EPG5: variants seen among roughly 807,000 people sequenced by gnomAD.
EPG5 encodes the protein ectopic P-granules 5 autophagy tethering factor, also known as ectopic P granules protein 5 homolog.
A neutral mutation model predicts 302.7 loss-of-function variants in EPG5; 159 were observed. The ratio of observed to expected loss-of-function variants is 0.53; its 90% CI spans 0.46 to 0.60. EPG5 has a LOEUF of 0.60. EPG5 is among the 20% of genes least tolerant of loss of function. EPG5 has a pLI of 0.00. For missense variants in EPG5, 2,896 were observed against 3,092.4 expected (o/e 0.94, Z 1.51); for synonymous variants, 1,158 against 1,136.8 (o/e 1.02, Z -0.37).
rs373746739 is a variant in EPG5, at chr18:45,872,455, G to C, written c.6050-1713C>G. On this transcript the variant is annotated intron_variant, in intron 35 of 43. Transcript: ENST00000282041. ...GCAGTGGCTCACGCTTGCAATCCCG[G>C]CACTTTGGGAGGCCGAGGCAGGCAG... 2.0e-5 allele frequency among the ~76,000 whole-genome samples: 3 copies of C among 152,324 alleles called. No individual in the cohort carries two copies. The East Asian group carries it at 5.8e-4, about 29-fold the overall frequency.
intron 11 of EPG5, 116 bp downstream of exon 11, chr18:45,934,693 T>G: frequency 2.0e-5 from 23 of 1,146,536 alleles, no homozygotes; most frequent in Non-Finnish European, 2.7e-5. Flanking sequence ...TCATTACACA[T>G]GAGTATGTAG....
chr18:45,914,701 G>A (rs1196469202), intron 20 of EPG5, among the ~76,000 whole-genome samples: 1 of 152,358 alleles, frequency 6.6e-6, no homozygotes. Flanking sequence ...TTGAAACCCA[G>A]ACTGTCTGGT....
At chr18:45,819,903 C>T in the EPG5 span, among the ~76,000 whole-genome samples, 1 of 152,188 alleles carries the variant, frequency 6.6e-6, no homozygotes, top group Admixed American at 6.5e-5. Context: ...AGGCACTAGG[C>T]ATCACCCCTT....
chr18:45,839,167 T>C, the EPG5 span: 1 of 1,336,552 alleles, frequency 7.5e-7, no homozygotes, highest in South Asian at 2.0e-5. Context: ...TAAGACCACC[T>C]GGCTGACCCC....
chr18:45,953,518 T>A, intron 2 of EPG5: 1 of 985,378 alleles, frequency 1.0e-6, no homozygotes, highest in South Asian at 4.7e-5. Flanking sequence ...CAATATCCCC[T>A]CCAGCTTCCC....
chr18:45,961,955 C>A (rs1164102924), intron 1 of EPG5, among the ~76,000 whole-genome samples: 1 of 150,976 alleles, frequency 6.6e-6, no homozygotes, highest in Non-Finnish European at 1.5e-5. Context: ...TTCCATAGCG[C>A]TTATAAAGCA....
Position 45,852,664 on chromosome 18 carries a change from A to G in EPG5, c.7558-15T>C, listed in dbSNP as rs887421870. ...GCATTCAGAGCCTAAAAGACACGGA[A>G]GATGAGAGGGTTAACTCCATAGAGG... is the stretch of plus-strand genomic sequence containing the variant. On this transcript the variant is annotated splice_polypyrimidine_tract_variant and intron_variant, in intron 43 of 43. Transcript: ENST00000282041. 3.7e-6 allele frequency: 6 copies of G among 1,611,934 alleles called. No homozygotes were observed. Among genetic ancestry groups the G allele is most frequent in the Non-Finnish European group, 4.2e-6 (5 of 1,178,550 alleles).
intron 11 of EPG5, among the ~76,000 whole-genome samples, chr18:45,934,345 G>T (rs1047342501): frequency 4.0e-5 from 6 of 151,838 alleles, no homozygotes; most frequent in Admixed American, 3.9e-4. Context: ...GTGGTATGAC[G>T]CAAAAACTTA....
At chr18:45,936,088 T>C (rs2050516429) in intron 10 of EPG5, among the ~76,000 whole-genome samples, 2 of 152,164 alleles carry the variant, frequency 1.3e-5, no homozygotes. Context: ...GAGACCATGA[T>C]TTTGTAGGTC....
intron 18 of EPG5, 24 bp downstream of exon 18, chr18:45,916,414 C>T (rs1051867345): frequency 1.2e-6 from 2 of 1,602,480 alleles, no homozygotes; most frequent in Non-Finnish European, 1.7e-6. Flanking sequence ...CGGGAGTGTG[C>T]TTAGGGGCTT....
In EPG5 at chr18:45,954,397, T is replaced by C. The variant is rs373730714; in HGVS notation, c.1005A>G (p.Val335=). 1.2e-6 allele frequency: 2 copies of C among 1,601,460 alleles called. No homozygotes were observed. Among genetic ancestry groups the C allele is most frequent in the African/African-American group, 1.3e-5 (1 of 74,588 alleles). Residue 335 remains valine, a synonymous_variant, in exon 2 of 44, where the codon GTA becomes GTG. Coordinates refer to ENST00000282041, the MANE Select transcript of EPG5 (RefSeq NM_020964.3). ...CCCAGGCTTCTGATCAAAATACCTG[T>C]ACAGACATTTGTTCCTCCTTAAACT... is the stretch of plus-strand genomic sequence containing the variant. The part of the protein sequence containing the change: ...LWQFKEEQMS[V]QGICADQVKV...
chr18:45,838,826 C>A, the EPG5 span: 253 of 1,562,904 alleles, frequency 1.6e-4, 1 homozygote, highest in African/African-American at 3.1e-3. Context: ...TGGTCCGGCC[C>A]GGCCCTGGGC....
chr18:45,855,616 A>C lies in EPG5; in HGVS notation c.7514T>G (p.Leu2505Trp). The change falls in exon 43 of 44, where the codon TTG becomes TGG. Residue 2505 changes from leucine to tryptophan, a missense_variant. Physicochemically the swap from Leu to Trp is moderately conservative, Grantham distance 61 (BLOSUM62 -2). Transcript: ENST00000282041. ...CAGATGTAATTCAGAGCCAGGCCTC[A>C]AACGGATCTGATCTTCCATAGGAAC... ...VQVPMEDQIR[L>W]RPGSELHLTP... 1 of 1,614,188 alleles carries C rather than the reference A, an allele frequency of 6.2e-7. No individual in the cohort carries two copies. Among genetic ancestry groups the C allele is most frequent in the Non-Finnish European group, 8.5e-7 (1 of 1,180,032 alleles).
At chr18:45,949,342 T>C (rs1446975573) in intron 5 of EPG5, 142 bp downstream of exon 5, 1 of 529,734 alleles carries the variant, frequency 1.9e-6, no homozygotes, top group African/African-American at 1.9e-5. Flanking sequence ...TTTATAAATG[T>C]ATACTGGATA....
At chr18:45,811,503 T>C in the EPG5 span, among the ~76,000 whole-genome samples, 5 of 152,220 alleles carry the variant, frequency 3.3e-5, no homozygotes, top group South Asian at 1.0e-3. Context: ...TGAACATTGA[T>C]GCAAAAATCC....
chr18:45,953,889 C>T, intron 2 of EPG5: 5 of 985,288 alleles, frequency 5.1e-6, no homozygotes, highest in Non-Finnish European at 4.8e-6. Flanking sequence ...TTCCTCATCC[C>T]TTCTCAACCT....
intron 28 of EPG5, among the ~76,000 whole-genome samples, 185 bp from the exon 29 acceptor site, chr18:45,888,092 A>G (rs1202496334): frequency 6.6e-6 from 1 of 150,430 alleles, no homozygotes; most frequent in Admixed American, 6.6e-5. Context: ...CTGACAACTG[A>G]TTTTCTTTTT....
In EPG5 at chr18:45,911,626, A is replaced by G. The variant is rs185724066; in HGVS notation, c.3983+664T>C. ...CAAGTTTTCTATTTTTAGTAGAGAC[A>G]GAGTTTCACCATGTTGGCCAGGCTT... On this transcript the variant is annotated intron_variant, in intron 22 of 43. Coordinates refer to ENST00000282041, the MANE Select transcript of EPG5 (RefSeq NM_020964.3). Among the ~76,000 whole-genome samples, 332 of 152,204 alleles carry G rather than the reference A, an allele frequency of 2.2e-3. 1 individual carries two copies. The highest frequency in any genetic ancestry group is 7.6e-3 in the African/African-American group (316 of 41,536).
chr18:45,880,057 A>G lies in EPG5; in HGVS notation c.5667+18T>C, dbSNP rs770868933. On this transcript the variant is annotated intron_variant, in intron 32 of 43. Coordinates refer to ENST00000282041, the MANE Select transcript of EPG5 (RefSeq NM_020964.3). ...AAAAAGAAATGCACAAACACGTCAG[A>G]GACCAAAGGCTACACACCTGCTTGT... The G allele has an allele frequency of 2.6e-6, 4 of 1,532,486 alleles. No individual in the cohort carries two copies. The South Asian group carries it at 4.9e-5, about 19-fold the overall frequency. 94.9% of individuals were successfully genotyped at this position (1,532,486 alleles called of 1,614,324 possible).
Sources: allele counts gnomAD v4.1 joint callset (sites outside exome capture counted in the v4.1 genomes callset), GRCh38; gene constraint gnomAD v4.1.1; transcripts MANE v1.5; gene names NCBI Gene and HGNC (gene_info 2026-07-23, HGNC 2026-07-21).